NKAIN2: variants seen among roughly 807,000 people sequenced by gnomAD.
The protein encoded by NKAIN2 is sodium/potassium transporting ATPase interacting 2, also known as sodium/potassium-transporting ATPase subunit beta-1-interacting protein 2.
Under a neutral mutation model 32.6 loss-of-function variants are expected in NKAIN2, and 14 were observed. The ratio of observed to expected loss-of-function variants is 0.43; its 90% CI spans 0.28 to 0.67. The LOEUF (loss-of-function observed/expected upper bound fraction) is 0.67. NKAIN2 is among the 30% of genes least tolerant of loss of function. NKAIN2 has a pLI of 0.17. For missense variants in NKAIN2, 198 were observed against 258.3 expected (o/e 0.77, Z 1.60); for synonymous variants, 80 against 87.2 (o/e 0.92, Z 0.46).
At chr6:124,396,265 G>T (rs1292979441) in intron 3 of NKAIN2, among the ~76,000 whole-genome samples, 1 of 151,442 alleles carries the variant, frequency 6.6e-6, no homozygotes, top group Non-Finnish European at 1.5e-5. Context: ...ATAATAAATT[G>T]TTACTATTAG....
chr6:124,121,336 C>T (rs1032967833), intron 1 of NKAIN2, among the ~76,000 whole-genome samples: 1 of 151,880 alleles, frequency 6.6e-6, no homozygotes, highest in African/African-American at 2.4e-5. Flanking sequence ...AGAAGAAATA[C>T]ACAAAATAAT....
intron 3 of NKAIN2, among the ~76,000 whole-genome samples, chr6:124,483,074 A>G (rs1453999396): frequency 6.7e-6 from 1 of 149,038 alleles, no homozygotes; most frequent in Non-Finnish European, 1.5e-5. Flanking sequence ...GTGAGCCGAG[A>G]TCGTGCCACT....
chr6:124,804,524 G>C, intron 5 of NKAIN2: 1 of 561,710 alleles, frequency 1.8e-6, no homozygotes, highest in Non-Finnish European at 2.3e-6. Context: ...CAAGATGGCC[G>C]AACAGGAACA....
At chr6:124,300,920 G>T (rs1040754752) in intron 2 of NKAIN2, among the ~76,000 whole-genome samples, 4 of 152,140 alleles carry the variant, frequency 2.6e-5, no homozygotes, top group Non-Finnish European at 5.9e-5. Context: ...CAGTGGGAAA[G>T]AAAAACCCAT....
intron 3 of NKAIN2, among the ~76,000 whole-genome samples, chr6:124,491,762 C>T (rs1281381157): frequency 6.6e-6 from 1 of 151,806 alleles, no homozygotes; most frequent in East Asian, 1.9e-4. Flanking sequence ...TTCTCAATTC[C>T]AAAACATGCA....
chr6:124,181,661 A>G (rs1050389240), intron 1 of NKAIN2, among the ~76,000 whole-genome samples: 5 of 152,128 alleles, frequency 3.3e-5, no homozygotes, highest in Non-Finnish European at 5.9e-5. Flanking sequence ...AGTTCCATAA[A>G]TCTCTAGGAC....
intron 1 of NKAIN2, among the ~76,000 whole-genome samples, chr6:123,835,457 T>C (rs959073183): frequency 2.6e-5 from 4 of 152,192 alleles, no homozygotes; most frequent in Non-Finnish European, 5.9e-5. Context: ...TAAAGGTTAT[T>C]TATGTTTTGA....
chr6:123,868,182 A>G (rs1419987055), intron 1 of NKAIN2, among the ~76,000 whole-genome samples: 1 of 151,982 alleles, frequency 6.6e-6, no homozygotes, highest in African/African-American at 2.4e-5. Flanking sequence ...CTGGGTTCTA[A>G]TTGTGGACTT....
intron 4 of NKAIN2, among the ~76,000 whole-genome samples, chr6:124,717,490 T>A (rs2114622607): frequency 6.6e-6 from 1 of 152,282 alleles, no homozygotes; most frequent in African/African-American, 2.4e-5. Context: ...TTCAAATAAC[T>A]TTTGGCATAA....
rs535964312 is a variant in NKAIN2, at chr6:124,264,458, C to T, written c.55-18547C>T. On this transcript the variant is annotated intron_variant, in intron 1 of 6. Coordinates refer to ENST00000368417, the MANE Select transcript of NKAIN2 (RefSeq NM_001040214.3). ...CTTTATACAGTTCTAAATTTTGGTT[C>T]GATTTTTCAGGGCAATCATAAGTTA... 2.2e-4 allele frequency among the ~76,000 whole-genome samples: 33 copies of T among 152,108 alleles called. No homozygotes were observed. The South Asian group carries it at 6.4e-3, about 30-fold the overall frequency.
chr6:124,114,455 G>T (rs1226417480), intron 1 of NKAIN2, among the ~76,000 whole-genome samples: 2 of 152,068 alleles, frequency 1.3e-5, no homozygotes, highest in Non-Finnish European at 2.9e-5. Context: ...ATTCCTATTA[G>T]ATAAGTTCAA....
chr6:124,134,273 T>A (rs1386529676), intron 1 of NKAIN2, among the ~76,000 whole-genome samples: 3 of 152,096 alleles, frequency 2.0e-5, no homozygotes, highest in Non-Finnish European at 4.4e-5. Flanking sequence ...AACAGTAGAC[T>A]AGAACAAGTG....
At chr6:124,737,375 G>T (rs1403705841) in intron 4 of NKAIN2, among the ~76,000 whole-genome samples, 1 of 151,806 alleles carries the variant, frequency 6.6e-6, no homozygotes, top group Admixed American at 6.6e-5. Context: ...CATGTGAAGA[G>T]GGACATGTTT....
chr6:124,097,241 C>A (rs112341733), intron 1 of NKAIN2, among the ~76,000 whole-genome samples: 4,325 of 151,346 alleles, frequency 0.029, 202 homozygotes, highest in African/African-American at 0.097. Context: ...CTCTACTAAA[C>A]ATACAAAAAT....
At chr6:123,986,168 A>G (rs1211732398) in intron 1 of NKAIN2, among the ~76,000 whole-genome samples, 1 of 152,240 alleles carries the variant, frequency 6.6e-6, no homozygotes, top group Non-Finnish European at 1.5e-5. Flanking sequence ...AAAAGGGGCT[A>G]GAATTATAAA....
chr6:123,929,655 G>T (rs1203388488), intron 1 of NKAIN2, among the ~76,000 whole-genome samples: 2 of 151,998 alleles, frequency 1.3e-5, no homozygotes, highest in Non-Finnish European at 2.9e-5. Flanking sequence ...TTTCCAGTTG[G>T]CATAGTGAAA....
At chr6:124,814,624 G>A (rs918172670) in intron 5 of NKAIN2, among the ~76,000 whole-genome samples, 1 of 152,052 alleles carries the variant, frequency 6.6e-6, no homozygotes, top group Non-Finnish European at 1.5e-5. Context: ...GTTAATAAGA[G>A]CAAGCCCCAG....
At chr6:124,477,546 T>C (rs1454043614) in intron 3 of NKAIN2, among the ~76,000 whole-genome samples, 1 of 152,106 alleles carries the variant, frequency 6.6e-6, no homozygotes, top group African/African-American at 2.4e-5. Context: ...TCTCCAGTGG[T>C]GGTACTCCTG....
At chr6:124,742,815 T>C (rs556196415) in intron 4 of NKAIN2, among the ~76,000 whole-genome samples, 1 of 151,822 alleles carries the variant, frequency 6.6e-6, no homozygotes, top group Non-Finnish European at 1.5e-5. Context: ...CCTGTATGAG[T>C]CCTGGAGTTC....
Sources: allele counts gnomAD v4.1 joint callset (sites outside exome capture counted in the v4.1 genomes callset), GRCh38; gene constraint gnomAD v4.1.1; transcripts MANE v1.5; gene names NCBI Gene and HGNC (gene_info 2026-07-23, HGNC 2026-07-21).